INTS9: variants seen among roughly 807,000 people sequenced by gnomAD.
INTS9 encodes protein related to CPSF subunits of 74 kDa.
In INTS9, 55 loss-of-function variants were observed where a neutral mutation model predicts 79.7. That is an observed-to-expected ratio of 0.69 (90% CI 0.56 to 0.86). The LOEUF is 0.86. Ranked by LOEUF, INTS9 falls within the 40% of genes least tolerant of loss-of-function variation. The pLI is 0.00. For missense variants in INTS9, 721 were observed against 831.5 expected (o/e 0.87, Z 1.64); for synonymous variants, 319 against 325.2 (o/e 0.98, Z 0.20).
chr8:28,777,811 A>G lies in INTS9; in HGVS notation c.1395+18T>C, dbSNP rs1235210491. ...GGTGACATGACTACGTGAAGGCACA[A>G]GCAGTGTCCTTCATTACCTGCACTT... On this transcript the variant is annotated intron_variant, in intron 13 of 16. Transcript: ENST00000521022. 1.1e-5 allele frequency: 17 copies of G among 1,590,748 alleles called. No homozygotes were observed. Among genetic ancestry groups the G allele is most frequent in the Non-Finnish European group, 1.3e-5 (15 of 1,169,334 alleles).
chr8:28,873,042 AT>A (rs2131344636), intron 1 of INTS9, among the ~76,000 whole-genome samples: 1 of 152,150 alleles, frequency 6.6e-6, no homozygotes, highest in African/African-American at 2.4e-5. Flanking sequence ...TCTTACAGTA[AT>A]ACGTATTGAT....
chr8:28,774,023 C>T (rs1426907492), intron 14 of INTS9, among the ~76,000 whole-genome samples: 1 of 152,188 alleles, frequency 6.6e-6, no homozygotes, highest in Admixed American at 6.5e-5. Flanking sequence ...CCACCTTGGC[C>T]AGGCTAGTCT....
intron 8 of INTS9, among the ~76,000 whole-genome samples, chr8:28,808,358 A>T (rs1804931320): frequency 1.3e-5 from 2 of 151,808 alleles, no homozygotes; most frequent in Non-Finnish European, 2.9e-5. Flanking sequence ...CACACCGGTT[A>T]ATTTTTGTAT....
At chr8:28,810,595 A>T (rs1805055500) in intron 8 of INTS9, among the ~76,000 whole-genome samples, 1 of 152,006 alleles carries the variant, frequency 6.6e-6, no homozygotes, top group Non-Finnish European at 1.5e-5. Context: ...TGACAGAACA[A>T]GACCTTCTCT....
At chr8:28,813,772 C>CT (rs1179219549) in intron 6 of INTS9, 160 bp from the exon 7 acceptor site, 4 of 799,790 alleles carry the variant, frequency 5.0e-6, no homozygotes, top group East Asian at 3.0e-5. Context: ...TTTATTTTTA[C>CT]TTTTTTTGAG....
rs573492409 is a variant in INTS9, at chr8:28,767,966, C to T, written c.*180G>A. 1.6e-6 allele frequency: 1 copy of T among 640,622 alleles called. No homozygotes were observed. Among genetic ancestry groups the T allele is most frequent in the African/African-American group, 1.8e-5 (1 of 55,138 alleles). 39.7% of individuals were successfully genotyped at this position (640,622 alleles called of 1,614,324 possible). A position where few individuals can be genotyped will look rare whatever the true frequency, so the allele number is the denominator to read the frequency against. The stretch of plus-strand genomic sequence containing the variant: ...CTGAAGTTGAAAGGGAAAGTTCTTG[C>T]CTGAAACAGTGCTGGGAATAAGTCC... On this transcript the variant is annotated 3_prime_UTR_variant, in exon 17 of 17. Transcript: ENST00000521022.
chr8:28,805,245 T>C (rs1001493241), intron 8 of INTS9, among the ~76,000 whole-genome samples: 6 of 152,212 alleles, frequency 3.9e-5, no homozygotes, highest in African/African-American at 1.4e-4. Context: ...GGGTTCTTAA[T>C]GACAACAAGC....
At chr8:28,796,356 C>T (rs1258191860) in intron 9 of INTS9, among the ~76,000 whole-genome samples, 188 bp downstream of exon 9, 3 of 152,178 alleles carry the variant, frequency 2.0e-5, no homozygotes, top group Non-Finnish European at 4.4e-5. Flanking sequence ...TTCACTGTAT[C>T]GCTGCTGTGA....
At chr8:28,826,813 C>T (rs1186905214) in intron 6 of INTS9, among the ~76,000 whole-genome samples, 5 of 152,150 alleles carry the variant, frequency 3.3e-5, no homozygotes, top group African/African-American at 4.8e-5. Context: ...TTGAGTAGAG[C>T]GACTAAATCT....
At chr8:28,841,682 C>T (rs1005157217) in intron 4 of INTS9, among the ~76,000 whole-genome samples, 1 of 152,156 alleles carries the variant, frequency 6.6e-6, no homozygotes, top group Admixed American at 6.5e-5. Context: ...TACTAATAGC[C>T]TGTTGACTAG....
rs769717892 is a variant in INTS9, at chr8:28,889,934, A to G, written c.-52T>C. 4 of 1,537,990 alleles carry G rather than the reference A, an allele frequency of 2.6e-6. No individual in the cohort carries two copies. Among genetic ancestry groups the G allele is most frequent in the Non-Finnish European group, 3.6e-6 (4 of 1,113,686 alleles). ...GTCACTGAACTCCTCAAACCCAGGAAGCGTCTTCCGGTGCAATCTCCGCCA... is the reference window on the plus strand; with the variant it reads ...GTCACTGAACTCCTCAAACCCAGGAGGCGTCTTCCGGTGCAATCTCCGCCA... On this transcript the variant is annotated 5_prime_UTR_variant, in exon 1 of 17. Coordinates refer to ENST00000521022, the MANE Select transcript of INTS9 (RefSeq NM_018250.4).
rs1237467441 is a variant in INTS9 at position 28,792,931 on chromosome 8, CAAA to C, written c.1037+873_1037+875del. Among the ~76,000 whole-genome samples, 47 of 144,752 alleles carry C rather than the reference CAAA, an allele frequency of 3.2e-4. 1 individual carries two copies. Among genetic ancestry groups the C allele is most frequent in the South Asian group, 2.5e-3 (11 of 4,428 alleles). 95.0% of individuals were successfully genotyped at this position (144,752 alleles called of 152,430 possible). ...CCGTCTCAAAAAAAAAAAAAAGTGACAAAGAAGAATAATTTGTACATGGGATAG... is the reference window on the plus strand; with the variant it reads ...CCGTCTCAAAAAAAAAAAAAAGTGACGAAGAATAATTTGTACATGGGATAG... On this transcript the variant is annotated intron_variant, in intron 10 of 16. Transcript: ENST00000521022.
intron 12 of INTS9, among the ~76,000 whole-genome samples, chr8:28,778,259 C>A (rs1381113384): frequency 6.6e-6 from 1 of 152,158 alleles, no homozygotes; most frequent in African/African-American, 2.4e-5. Context: ...GAAATAAAAA[C>A]CAAAACCACC....
At chr8:28,785,451 T>G (rs1290592577) in intron 11 of INTS9, among the ~76,000 whole-genome samples, 1 of 152,226 alleles carries the variant, frequency 6.6e-6, no homozygotes, top group Non-Finnish European at 1.5e-5. Context: ...CTCTTGCCTA[T>G]GTACTCAGTT....
chr8:28,885,523 T>TA (rs1200749045), intron 1 of INTS9, among the ~76,000 whole-genome samples: 4 of 152,220 alleles, frequency 2.6e-5, no homozygotes, highest in African/African-American at 9.6e-5. Flanking sequence ...TGTGGTTGCA[T>TA]AAAAAATCTT....
chr8:28,803,861 A>G (rs1489567540), intron 8 of INTS9, among the ~76,000 whole-genome samples: 1 of 152,214 alleles, frequency 6.6e-6, no homozygotes, highest in East Asian at 1.9e-4. Flanking sequence ...GATGTCTATT[A>G]TAACTCCTGA....
intron 8 of INTS9, among the ~76,000 whole-genome samples, chr8:28,805,517 A>G (rs191702704): frequency 2.6e-5 from 4 of 152,190 alleles, no homozygotes; most frequent in African/African-American, 9.6e-5. Context: ...AACTTACAAT[A>G]TATCTCAATG....
chr8:28,875,780 A>T (rs1809347402), intron 1 of INTS9, among the ~76,000 whole-genome samples: 1 of 152,228 alleles, frequency 6.6e-6, no homozygotes, highest in Non-Finnish European at 1.5e-5. Context: ...CAGTTTGTTC[A>T]ATAGTGAGTT....
Position 28,795,532 on chromosome 8 carries a change from C to T in INTS9, c.856+1012G>A, listed in dbSNP as rs574697528. On this transcript the variant is annotated intron_variant, in intron 9 of 16. Transcript: ENST00000521022. The stretch of plus-strand genomic sequence containing the variant: ...GCGCACACCTGTAGTCCCAGCTACT[C>T]GGGAGGCTGAAGCAGGAGAATCGCT... Among the ~76,000 whole-genome samples, 5 of 149,464 alleles carry T rather than the reference C, an allele frequency of 3.3e-5. No homozygotes were observed. The South Asian group carries it at 8.6e-4, about 26-fold the overall frequency.
Sources: allele counts gnomAD v4.1 joint callset (sites outside exome capture counted in the v4.1 genomes callset), GRCh38; gene constraint gnomAD v4.1.1; transcripts MANE v1.5; gene names NCBI Gene and HGNC (gene_info 2026-07-23, HGNC 2026-07-21).